The following SLC14A2 variants were observed in gnomAD, a reference collection of about 807,000 sequenced individuals.
The protein encoded by SLC14A2 is solute carrier family 14 member 2, also known as urea transporter 2.
A neutral mutation model predicts 104.6 loss-of-function variants in SLC14A2; 91 were observed. The ratio of observed to expected loss-of-function variants is 0.87; its 90% confidence interval spans 0.73 to 1.04. SLC14A2 has a LOEUF of 1.04. Among genes scored for constraint, SLC14A2 ranks in the 50% least tolerant of loss-of-function variants. SLC14A2 has a pLI of 0.00. For synonymous variants in SLC14A2, 476 were observed against 466.4 expected (o/e 1.02, Z -0.27); for missense variants, 1,189 against 1,156.0 (o/e 1.03, Z -0.41).
intron 1 of SLC14A2, among the ~76,000 whole-genome samples, chr18:45,358,402 C>A (rs1391919191): frequency 6.6e-6 from 1 of 152,180 alleles, no homozygotes; most frequent in Non-Finnish European, 1.5e-5. Flanking sequence ...AAACCACTCC[C>A]TGCTCCTATA....
the SLC14A2 span, among the ~76,000 whole-genome samples, chr18:45,203,253 T>C: frequency 3.6e-3 from 554 of 152,294 alleles, 1 homozygote; most frequent in Non-Finnish European, 6.1e-3. Context: ...TGGACACCTA[T>C]GTGCCTTCAA....
rs73429962 is a variant in SLC14A2, at chr18:45,338,078, G to A, written c.-125+124887G>A. The stretch of plus-strand genomic sequence containing the variant: ...AAGCATTTCCTTCTACTGACTTCAA[G>A]TGTATAGACAAAGCTTAATTCTTTC... On this transcript the variant is annotated intron_variant, in intron 1 of 20. Transcript: ENST00000586448. Among the ~76,000 whole-genome samples, 254 of 152,320 alleles carry A rather than the reference G, an allele frequency of 1.7e-3. 1 individual carries two copies. Among genetic ancestry groups the A allele is most frequent in the African/African-American group, 5.7e-3 (239 of 41,578 alleles).
chr18:45,185,062 C>T, the SLC14A2 span, among the ~76,000 whole-genome samples: 4 of 152,300 alleles, frequency 2.6e-5, no homozygotes, highest in South Asian at 2.1e-4. Context: ...GAGAATGGTG[C>T]ATCAATGAGT....
chr18:45,438,035 T>C (rs1216984143), intron 1 of SLC14A2: 2 of 152,164 alleles, frequency 1.3e-5, no homozygotes, highest in Middle Eastern at 6.3e-3. Context: ...TTACTATATA[T>C]GAGGGTCTGT....
chr18:45,265,414 G>C (rs1427080331), intron 1 of SLC14A2, among the ~76,000 whole-genome samples: 1 of 152,184 alleles, frequency 6.6e-6, no homozygotes, highest in Non-Finnish European at 1.5e-5. Flanking sequence ...ATCTCTGTCA[G>C]AGGCTAGGAA....
intron 19 of SLC14A2, among the ~76,000 whole-genome samples, chr18:45,681,045 T>G (rs1175280671): frequency 2.7e-3 from 1 of 366 alleles, no homozygotes; most frequent in Non-Finnish European, 0.25. Context: ...GTATCTGAGG[T>G]TTTTTTTTTT....
In SLC14A2 at chr18:45,669,341, G is replaced by A; in HGVS notation, c.2072G>A (p.Ser691Asn). 2 of 1,613,936 alleles carry A rather than the reference G, an allele frequency of 1.2e-6. No homozygotes were observed. Among genetic ancestry groups the A allele is most frequent in the Non-Finnish European group, 1.7e-6 (2 of 1,179,874 alleles). ...TCCAGTGCCCTGGGTACCATCTTCA[G>A]CAAGTGGGACCTCCCAGTCTTCACA... ...ILSSALGTIF[S>N]KWDLPVFTLP... Residue 691 changes from serine (S) to asparagine (N), a missense_variant, in exon 16 of 20, where the codon AGC becomes AAC. Physicochemically the swap from Ser to Asn is conservative, Grantham distance 46. Transcript: ENST00000255226.
rs1434231130 is a variant in SLC14A2, at chr18:45,637,737, C to T, written c.843+555C>T. 9.8e-5 allele frequency among the ~76,000 whole-genome samples: 15 copies of T among 152,298 alleles called. No homozygotes were observed. The East Asian group carries it at 1.7e-3, about 18-fold the overall frequency. Reference sequence around the variant, plus strand: ...GTCAAGACTAGAGAGGTCCCCAGCACGCTGCTCCCAGGCCACTTCCCTCTT... The same window carrying T: ...GTCAAGACTAGAGAGGTCCCCAGCATGCTGCTCCCAGGCCACTTCCCTCTT... On this transcript the variant is annotated intron_variant, in intron 6 of 19. Transcript: ENST00000255226.
intron 1 of SLC14A2, among the ~76,000 whole-genome samples, chr18:45,318,887 A>G (rs923237232): frequency 2.0e-5 from 3 of 152,032 alleles, no homozygotes; most frequent in Non-Finnish European, 4.4e-5. Flanking sequence ...ATGTGAGGAA[A>G]GGCCAAATGC....
chr18:45,409,650 T>C (rs1209098334), intron 1 of SLC14A2, among the ~76,000 whole-genome samples: 1 of 152,016 alleles, frequency 6.6e-6, no homozygotes, highest in Admixed American at 6.6e-5. Flanking sequence ...CCCACCCCTT[T>C]CCCAGAAGAC....
the SLC14A2 span, among the ~76,000 whole-genome samples, chr18:45,180,773 C>T: frequency 2.5e-3 from 387 of 152,032 alleles, no homozygotes; most frequent in South Asian, 5.8e-3. Context: ...TTTTGAAAAA[C>T]GGAAGAATTC....
At chr18:45,427,222 G>A (rs572704860) in intron 1 of SLC14A2, among the ~76,000 whole-genome samples, 1 of 151,524 alleles carries the variant, frequency 6.6e-6, no homozygotes, top group Non-Finnish European at 1.5e-5. Flanking sequence ...TCTTCATGGA[G>A]AAAGCTGTTG....
At chr18:45,489,713 C>T (rs189158057) in intron 2 of SLC14A2, among the ~76,000 whole-genome samples, 24 of 152,270 alleles carry the variant, frequency 1.6e-4, no homozygotes, top group African/African-American at 4.6e-4. Context: ...AGAAGACCTT[C>T]GCATCTCACT....
intron 2 of SLC14A2, among the ~76,000 whole-genome samples, chr18:45,542,050 T>TG (rs2043895217): frequency 8.1e-6 from 1 of 123,000 alleles, no homozygotes; most frequent in East Asian, 2.3e-4. Flanking sequence ...TTTTTTTTTT[T>TG]TTTTTTTTTT....
At chr18:45,652,399 C>T (rs2045756292) in intron 10 of SLC14A2, among the ~76,000 whole-genome samples, 1 of 152,212 alleles carries the variant, frequency 6.6e-6, no homozygotes, top group Admixed American at 6.5e-5. Context: ...CTTTTTAACC[C>T]TCTGCAAATT....
intron 2 of SLC14A2, among the ~76,000 whole-genome samples, chr18:45,514,927 C>T (rs1283463808): frequency 6.6e-6 from 1 of 152,092 alleles, no homozygotes; most frequent in African/African-American, 2.4e-5. Context: ...TATTCTTTCC[C>T]CTGTTCCACA....
At chr18:45,499,748 G>T (rs2043161333) in intron 2 of SLC14A2, among the ~76,000 whole-genome samples, 1 of 152,198 alleles carries the variant, frequency 6.6e-6, no homozygotes. Flanking sequence ...GCACCACATT[G>T]TGATTTGACC....
At chr18:45,260,660 C>T (rs1261312701) in intron 1 of SLC14A2, among the ~76,000 whole-genome samples, 1 of 152,082 alleles carries the variant, frequency 6.6e-6, no homozygotes, top group East Asian at 1.9e-4. Flanking sequence ...TCCTTTGCAG[C>T]AACATGGATG....
chr18:45,427,414 A>G (rs1200294258), intron 1 of SLC14A2, among the ~76,000 whole-genome samples: 1 of 152,202 alleles, frequency 6.6e-6, no homozygotes, highest in Admixed American at 6.5e-5. Flanking sequence ...CAATGGGTTC[A>G]TTTGGATGCC....
Sources: allele counts gnomAD v4.1 joint callset (sites outside exome capture counted in the v4.1 genomes callset), GRCh38; gene constraint gnomAD v4.1.1; transcripts MANE v1.5; gene names NCBI Gene and HGNC (gene_info 2026-07-23, HGNC 2026-07-21).